The following TENM2 variants were observed in gnomAD, a reference collection of about 807,000 sequenced individuals.
TENM2 encodes the protein teneurin transmembrane protein 2.
TENM2 carries 52 observed loss-of-function variants against 245.2 expected under a neutral mutation model. The observed-to-expected ratio is 0.21, with a 90% CI of 0.17 to 0.27. The LOEUF (loss-of-function observed/expected upper bound fraction) is 0.27. TENM2 is among the 10% of genes least tolerant of loss of function. The probability of loss-of-function intolerance (pLI) is 1.00; values close to 1 mark genes in which losing one functional copy is unlikely to be tolerated. For missense variants in TENM2, 3,046 were observed against 3,666.8 expected (o/e 0.83, Z 4.37); for synonymous variants, 1,363 against 1,438.9 (o/e 0.95, Z 1.19).
intron 5 of TENM2, among the ~76,000 whole-genome samples, chr5:168,028,113 G>A (rs1786786892): frequency 6.6e-6 from 1 of 152,146 alleles, no homozygotes; most frequent in South Asian, 2.1e-4. Context: ...GCTATGGTAT[G>A]CCTTCTATGG....
At chr5:167,504,058 A>C (rs1209648958) in intron 2 of TENM2, among the ~76,000 whole-genome samples, 1 of 152,092 alleles carries the variant, frequency 6.6e-6, no homozygotes, top group Non-Finnish European at 1.5e-5. Context: ...TTTTAAGCAA[A>C]ATTAACTTGG....
the TENM2 span, among the ~76,000 whole-genome samples, chr5:167,212,281 C>T: frequency 3.3e-4 from 50 of 152,266 alleles, no homozygotes; most frequent in African/African-American, 1.2e-3. Flanking sequence ...TCTCTTCTCA[C>T]CAAGAACAGC....
At chr5:168,140,074 G>T (rs1460213137) in intron 12 of TENM2, among the ~76,000 whole-genome samples, 1 of 152,140 alleles carries the variant, frequency 6.6e-6, no homozygotes, top group Non-Finnish European at 1.5e-5. Context: ...ATTGAGACTG[G>T]GACAGCTTTG....
chr5:167,491,511 T>C (rs1768426827), intron 2 of TENM2, among the ~76,000 whole-genome samples: 1 of 152,138 alleles, frequency 6.6e-6, no homozygotes, highest in Non-Finnish European at 1.5e-5. Flanking sequence ...ATGCCCTTTG[T>C]TCAAATGTTC....
At chr5:167,542,745 A>G (rs62382760) in intron 2 of TENM2, among the ~76,000 whole-genome samples, 2,901 of 152,166 alleles carry the variant, frequency 0.019, 64 homozygotes, top group Non-Finnish European at 0.021. Flanking sequence ...TTTTCTGTCA[A>G]CTACAAAGGA....
At chr5:167,540,209 C>T (rs1032230422) in intron 2 of TENM2, among the ~76,000 whole-genome samples, 6 of 152,148 alleles carry the variant, frequency 3.9e-5, no homozygotes, top group Admixed American at 1.3e-4. Flanking sequence ...CTCCAAGTGT[C>T]AGGCAAGGGT....
chr5:167,769,657 C>T (rs1390223098), intron 2 of TENM2, among the ~76,000 whole-genome samples: 1 of 152,148 alleles, frequency 6.6e-6, no homozygotes, highest in Non-Finnish European at 1.5e-5. Flanking sequence ...GCTCCTTCAA[C>T]TTCCCATTTT....
chr5:168,006,484 A>G (rs1218732723), intron 5 of TENM2, among the ~76,000 whole-genome samples: 3 of 152,214 alleles, frequency 2.0e-5, no homozygotes, highest in East Asian at 1.9e-4. Context: ...TGCTTTCACC[A>G]TAGCCTTGGA....
At chr5:167,186,560 T>C in the TENM2 span, among the ~76,000 whole-genome samples, 7 of 152,136 alleles carry the variant, frequency 4.6e-5, no homozygotes, top group East Asian at 1.2e-3. Context: ...GAGCTTCCCT[T>C]TGGGAGACCA....
At chr5:167,168,430 T>C in the TENM2 span, 1 of 152,232 alleles carries the variant, frequency 6.6e-6, no homozygotes, top group Non-Finnish European at 1.5e-5. Context: ...ACAAGTCCTC[T>C]TGTTTTCTCC....
intron 2 of TENM2, among the ~76,000 whole-genome samples, chr5:167,554,047 T>A (rs1773114676): frequency 6.6e-6 from 1 of 152,162 alleles, no homozygotes; most frequent in Non-Finnish European, 1.5e-5. Flanking sequence ...TCATGGGAAG[T>A]GTCTGGGGAT....
At chr5:167,985,565 C>G (rs1458071100) in intron 4 of TENM2, among the ~76,000 whole-genome samples, 1 of 152,140 alleles carries the variant, frequency 6.6e-6, no homozygotes, top group Non-Finnish European at 1.5e-5. Context: ...GAGTGGTACA[C>G]TGTGATGAGA....
chr5:168,190,535 C>G (rs775258462), exon 14 of TENM2: 1 of 1,613,772 alleles, frequency 6.2e-7, no homozygotes, highest in Non-Finnish European at 8.5e-7. Context: ...GGAGAGAACC[C>G]TTTCAACAGC....
At chr5:167,072,420 G>A in the TENM2 span, among the ~76,000 whole-genome samples, 3 of 152,072 alleles carry the variant, frequency 2.0e-5, no homozygotes, top group Admixed American at 6.5e-5. Flanking sequence ...TGGTTGGTGC[G>A]GAGGGCAGGG....
At chr5:167,607,861 A>G (rs1777169395) in intron 2 of TENM2, among the ~76,000 whole-genome samples, 1 of 152,226 alleles carries the variant, frequency 6.6e-6, no homozygotes, top group South Asian at 2.1e-4. Context: ...CGTGGAATAC[A>G]GAATGAAGAT....
At chr5:167,006,798 C>T in the TENM2 span, among the ~76,000 whole-genome samples, 5 of 152,188 alleles carry the variant, frequency 3.3e-5, no homozygotes, top group African/African-American at 1.2e-4. Flanking sequence ...TCCCAAGTAG[C>T]TGGGATTACA....
chr5:167,915,648 A>G (rs1267720782), intron 3 of TENM2, among the ~76,000 whole-genome samples: 1 of 152,166 alleles, frequency 6.6e-6, no homozygotes, highest in Non-Finnish European at 1.5e-5. Context: ...CCTTACAACA[A>G]AAACAACAAC....
At chr5:167,489,086 G>A (rs1057197622) in intron 2 of TENM2, among the ~76,000 whole-genome samples, 12 of 152,150 alleles carry the variant, frequency 7.9e-5, no homozygotes, top group South Asian at 4.1e-4. Context: ...CTGGGTCATC[G>A]CATTGGCTTT....
At chr5:167,952,601 C>T (rs1780201154) in exon 4 of TENM2, 14 of 1,611,278 alleles carry the variant, frequency 8.7e-6, no homozygotes, top group Non-Finnish European at 1.1e-5. Context: ...CTCCGAACCA[C>T]CACAGCCAGT....
Sources: gnomAD v4.1 joint callset for allele counts (sites outside exome capture counted in the v4.1 genomes callset) on GRCh38, gnomAD v4.1.1 for gene constraint, MANE v1.5 for transcripts, NCBI Gene and HGNC (gene_info 2026-07-23, HGNC 2026-07-21) for gene names.